The following ADAMTSL3 variants were observed in gnomAD, a reference collection of about 807,000 sequenced individuals.
ADAMTSL3 encodes the protein ADAMTS-like protein 3.
A neutral mutation model predicts 201.7 loss-of-function variants in ADAMTSL3; 128 were observed. That is an observed-to-expected ratio of 0.63 (90% CI 0.55 to 0.73). The LOEUF (loss-of-function observed/expected upper bound fraction) is 0.73, where lower values mean the gene tolerates loss of function less well. Among genes scored for constraint, ADAMTSL3 ranks in the 30% least tolerant of loss-of-function variants. The pLI is 0.00. For missense variants in ADAMTSL3, 1,990 were observed against 2,119.6 expected, an observed-to-expected ratio of 0.94 and a Z score of 1.20; for synonymous variants, 738 against 748.4, an observed-to-expected ratio of 0.99 and a Z score of 0.23.
At chr15:83,882,636 T>G (rs2065298238) in intron 9 of ADAMTSL3, among the ~76,000 whole-genome samples, 1 of 152,178 alleles carries the variant, frequency 6.6e-6, no homozygotes, top group East Asian at 1.9e-4. Flanking sequence ...GATTAATGAT[T>G]GGTCATCTGA....
At chr15:83,696,079 T>A (rs900820690) in intron 2 of ADAMTSL3, among the ~76,000 whole-genome samples, 1 of 152,178 alleles carries the variant, frequency 6.6e-6, no homozygotes, top group African/African-American at 2.4e-5. Flanking sequence ...AGAGAATGTA[T>A]CCCTTGCAGA....
At chr15:83,837,858 TG>T (rs1295443826) in intron 6 of ADAMTSL3, among the ~76,000 whole-genome samples, 1 of 150,984 alleles carries the variant, frequency 6.6e-6, no homozygotes, top group Non-Finnish European at 1.5e-5. Flanking sequence ...GGGAGGGGTA[TG>T]GAGGGACAGC....
At chr15:83,959,993 C>A (rs1035481139) in intron 19 of ADAMTSL3, among the ~76,000 whole-genome samples, 2 of 152,052 alleles carry the variant, frequency 1.3e-5, no homozygotes, top group Non-Finnish European at 2.9e-5. Flanking sequence ...TTTATATGAA[C>A]AAAAGTAACT....
At chr15:83,894,081 T>TAAC (rs2065563974) in intron 13 of ADAMTSL3, among the ~76,000 whole-genome samples, 8 of 152,220 alleles carry the variant, frequency 5.3e-5, no homozygotes, top group Admixed American at 5.2e-4. Context: ...TACAGTATTG[T>TAAC]ATTGTGCATG....
At chr15:83,710,308 T>C (rs1046489800) in intron 3 of ADAMTSL3, among the ~76,000 whole-genome samples, 6 of 152,176 alleles carry the variant, frequency 3.9e-5, no homozygotes, top group African/African-American at 1.4e-4. Context: ...ATTTGAGATT[T>C]TTTTCCAGAC....
chr15:83,829,226 G>A (rs2064096468), intron 6 of ADAMTSL3, among the ~76,000 whole-genome samples: 1 of 152,314 alleles, frequency 6.6e-6, no homozygotes, highest in African/African-American at 2.4e-5. Context: ...TCTATTCAGA[G>A]ATTCAACTTC....
rs113268540 is a variant in ADAMTSL3 at position 83,913,262 on chromosome 15, C to A, written c.1871C>A (p.Ala624Glu). ...ACCGAACGGCCCTGCCTCCTGGAAG[C>A]ATGTGATGAGAGCCCGGCCTCCCGA... ...LPTERPCLLE[A>E]CDESPASREL... Residue 624 changes from alanine to glutamate, a missense_variant, in exon 16 of 30, where the codon GCA becomes GAA. By Grantham distance (107) the Ala-to-Glu change is moderately radical. Coordinates refer to ENST00000286744, the MANE Select transcript of ADAMTSL3 (RefSeq NM_207517.3). 7 of 1,614,100 alleles carry A rather than the reference C, an allele frequency of 4.3e-6. No individual in the cohort carries two copies. The highest frequency in any genetic ancestry group is 2.7e-5 in the African/African-American group (2 of 75,052).
chr15:83,933,737 A>G (rs2066406592), intron 17 of ADAMTSL3, among the ~76,000 whole-genome samples: 1 of 152,196 alleles, frequency 6.6e-6, no homozygotes, highest in Non-Finnish European at 1.5e-5. Context: ...CTCTAGTCCC[A>G]GGGCCTTTGC....
intron 2 of ADAMTSL3, among the ~76,000 whole-genome samples, chr15:83,686,418 T>C (rs535616332): frequency 6.6e-6 from 1 of 152,292 alleles, no homozygotes; most frequent in African/African-American, 2.4e-5. Flanking sequence ...ATGGAAGAAA[T>C]GGAAGAAACT....
rs762124434 is a variant in ADAMTSL3, at chr15:83,899,696, A to T, written c.1665A>T (p.Glu555Asp). 6.2e-7 allele frequency: 1 copy of T among 1,612,236 alleles called. No individual in the cohort carries two copies. Among genetic ancestry groups the T allele is most frequent in the Non-Finnish European group, 8.5e-7 (1 of 1,178,760 alleles). Residue 555 changes from glutamate to aspartate, a missense_variant, in exon 15 of 30, where the codon GAA becomes GAT. Coordinates refer to ENST00000286744, the MANE Select transcript of ADAMTSL3 (RefSeq NM_207517.3). ...TGCCTTGGCTGAAACAAGCACAAGA[A>T]CTAGAAGAGACCAGAATAGCAACAG... is the stretch of plus-strand genomic sequence containing the variant. ...AKLPWLKQAQ[E>D]LEETRIATEE...
intron 6 of ADAMTSL3, among the ~76,000 whole-genome samples, chr15:83,824,271 C>G (rs932470918): frequency 1.3e-5 from 2 of 151,998 alleles, no homozygotes; most frequent in Admixed American, 6.6e-5. Flanking sequence ...GGCCTTGAGC[C>G]TCCCAAAATA....
intron 19 of ADAMTSL3, among the ~76,000 whole-genome samples, chr15:83,963,990 A>C (rs1466104490): frequency 1.3e-5 from 2 of 152,188 alleles, no homozygotes; most frequent in African/African-American, 4.8e-5. Context: ...GTCCACACAG[A>C]AACCCCGGAA....
In ADAMTSL3 at chr15:83,872,627, C is replaced by CACACACACACACACAG. The variant is rs6145659; in HGVS notation, c.960+1669_960+1670insCACACACACACACAGA. On this transcript the variant is annotated intron_variant, in intron 9 of 29. Coordinates refer to ENST00000286744, the MANE Select transcript of ADAMTSL3 (RefSeq NM_207517.3). ...ACACACACACACACACACACACACA[C>CACACACACACACACAG]AGAGTTTTTGTTCTCTTTTAATTAC... Among the ~76,000 whole-genome samples, 533 of 141,004 alleles carry CACACACACACACACAG rather than the reference C, an allele frequency of 3.8e-3. 21 individuals are homozygous for CACACACACACACACAG. The highest frequency in any genetic ancestry group is 9.5e-3 in the African/African-American group (343 of 35,954). The allele number at this position is 141,004 out of a possible 152,430, so 92.5% of individuals were successfully genotyped here.
At chr15:83,911,350 A>G (rs577119331) in intron 15 of ADAMTSL3, among the ~76,000 whole-genome samples, 3 of 152,252 alleles carry the variant, frequency 2.0e-5, no homozygotes, top group Non-Finnish European at 4.4e-5. Flanking sequence ...TATGTAGCAT[A>G]TATGTATAAT....
At chr15:83,888,282 CT>C (rs2065436462) in intron 10 of ADAMTSL3, among the ~76,000 whole-genome samples, 1 of 152,174 alleles carries the variant, frequency 6.6e-6, no homozygotes, top group Admixed American at 6.5e-5. Context: ...ATTTCTTTTG[CT>C]TTTTGCTATT....
intron 23 of ADAMTSL3, among the ~76,000 whole-genome samples, chr15:83,996,605 C>T (rs749775418): frequency 6.6e-6 from 1 of 151,556 alleles, no homozygotes; most frequent in African/African-American, 2.4e-5. Context: ...CATGGTGAAA[C>T]CCTGTCTCTA....
intron 2 of ADAMTSL3, among the ~76,000 whole-genome samples, chr15:83,661,680 A>C (rs527788513): frequency 6.6e-6 from 1 of 152,222 alleles, no homozygotes; most frequent in East Asian, 1.9e-4. Flanking sequence ...TCATCTGACA[A>C]AGGGCTAATA....
chr15:83,840,681 C>T (rs1386349813), intron 7 of ADAMTSL3, among the ~76,000 whole-genome samples: 1 of 152,164 alleles, frequency 6.6e-6, no homozygotes, highest in Non-Finnish European at 1.5e-5. Flanking sequence ...CTGTAAGGGC[C>T]TAGCTGAGAT....
At chr15:83,752,629 T>G (rs1408602977) in intron 3 of ADAMTSL3, among the ~76,000 whole-genome samples, 2 of 152,248 alleles carry the variant, frequency 1.3e-5, no homozygotes, top group African/African-American at 4.8e-5. Flanking sequence ...TATGGAAATT[T>G]CCTATATTTG....
Sources: allele counts gnomAD v4.1 joint callset (sites outside exome capture counted in the v4.1 genomes callset), GRCh38; gene constraint gnomAD v4.1.1; transcripts MANE v1.5; gene names NCBI Gene and HGNC (gene_info 2026-07-23, HGNC 2026-07-21).